TRAPPC13: variants seen among roughly 807,000 people sequenced by gnomAD.
The protein encoded by TRAPPC13 is REV7-interacting novel NHEJ regulator 1.
In TRAPPC13, 39 loss-of-function variants were observed where a neutral mutation model predicts 54.0. The ratio of observed to expected loss-of-function variants is 0.72; its 90% confidence interval spans 0.56 to 0.94. The LOEUF (loss-of-function observed/expected upper bound fraction) is 0.94, where lower values mean the gene tolerates loss of function less well. Ranked by LOEUF, TRAPPC13 falls within the 40% of genes least tolerant of loss-of-function variation. TRAPPC13 has a pLI of 0.00. For synonymous variants in TRAPPC13, 148 were observed against 167.7 expected (o/e 0.88, Z 0.91); for missense variants, 386 against 488.1 (o/e 0.79, Z 1.97).
At chr5:65,639,715 G>A (rs1755894602) in intron 4 of TRAPPC13, among the ~76,000 whole-genome samples, 1 of 152,230 alleles carries the variant, frequency 6.6e-6, no homozygotes, top group African/African-American at 2.4e-5. Flanking sequence ...GTGTTAGAAA[G>A]ACTGATATGA....
chr5:65,659,276 A>G (rs1347755903), intron 9 of TRAPPC13, among the ~76,000 whole-genome samples: 1 of 152,198 alleles, frequency 6.6e-6, no homozygotes, highest in African/African-American at 2.4e-5. Flanking sequence ...ACAAATATAT[A>G]ACATGTATCC....
At chr5:65,628,206 T>C (rs1171908646) in intron 1 of TRAPPC13, among the ~76,000 whole-genome samples, 1 of 152,106 alleles carries the variant, frequency 6.6e-6, no homozygotes, top group Non-Finnish European at 1.5e-5. Flanking sequence ...ACTTCTGTGC[T>C]CTAAGAGAAA....
chr5:65,639,792 TA>T (rs1240140315), intron 4 of TRAPPC13, among the ~76,000 whole-genome samples: 1 of 152,188 alleles, frequency 6.6e-6, no homozygotes, highest in African/African-American at 2.4e-5. Context: ...GTGTAGAAAT[TA>T]AAAGATAGAA....
chr5:65,660,786 A>G lies in TRAPPC13; in HGVS notation c.786A>G (p.Ala262=). The G allele has an allele frequency of 6.2e-7, 1 of 1,613,838 alleles. No individual in the cohort carries two copies. The highest frequency in any genetic ancestry group is 8.5e-7 in the Non-Finnish European group (1 of 1,179,782). The stretch of plus-strand genomic sequence containing the variant: ...GCCTAAAGCCAAAGAATGAATTTGC[A>G]GAAAAAGCAGGCATCATTAAGGGAG... The part of the protein sequence containing the change: ...LYCLKPKNEF[A]EKAGIIKGVT... The change falls in exon 10 of 13, where the codon GCA becomes GCG. Residue 262 remains alanine (A), a synonymous_variant. Transcript: ENST00000399438.
rs78767698 is a variant in TRAPPC13 at position 65,646,753 on chromosome 5, G to A, written c.301-302G>A. On this transcript the variant is annotated intron_variant, in intron 4 of 12. Transcript: ENST00000399438. ...TTTACCCTTCCCTCTGCTATAGCCC[G>A]ATTGTATTCTTCATTTGTAATGCAG... Among the ~76,000 whole-genome samples, 1,423 of 152,172 alleles carry A rather than the reference G, an allele frequency of 9.4e-3. 16 individuals are homozygous for A. The highest frequency in any genetic ancestry group is 0.03 in the African/African-American group (1,256 of 41,530).
At chr5:65,646,248 C>G (rs1756202449) in intron 4 of TRAPPC13, among the ~76,000 whole-genome samples, 1 of 152,094 alleles carries the variant, frequency 6.6e-6, no homozygotes, top group Non-Finnish European at 1.5e-5. Flanking sequence ...TATAATGGAG[C>G]ATCATCGGGT....
intron 3 of TRAPPC13, 123 bp from the exon 4 acceptor site, chr5:65,637,573 G>C (rs941628330): frequency 4.3e-5 from 21 of 486,290 alleles, no homozygotes; most frequent in Admixed American, 2.6e-4. Flanking sequence ...GGAGTTTGCA[G>C]TGAGCCTAGA....
intron 7 of TRAPPC13, among the ~76,000 whole-genome samples, chr5:65,653,277 A>G (rs1340082637): frequency 1.3e-5 from 2 of 152,256 alleles, no homozygotes; most frequent in East Asian, 3.9e-4. Flanking sequence ...CTTGTGTTTC[A>G]TACCAGTGAT....
intron 3 of TRAPPC13, 67 bp downstream of exon 3, chr5:65,636,110 C>A: frequency 2.9e-6 from 3 of 1,034,776 alleles, no homozygotes; most frequent in Non-Finnish European, 4.3e-6. Flanking sequence ...CAAAACAGAA[C>A]CATGGGATGG....
chr5:65,652,720 T>G, intron 7 of TRAPPC13, 175 bp downstream of exon 7: 5 of 665,560 alleles, frequency 7.5e-6, no homozygotes, highest in South Asian at 1.6e-5. Context: ...TCTCATAATC[T>G]TTTTCAGCTT....
intron 5 of TRAPPC13, among the ~76,000 whole-genome samples, chr5:65,649,926 A>G (rs1756363013): frequency 6.8e-6 from 1 of 146,754 alleles, no homozygotes; most frequent in Admixed American, 7.0e-5. Flanking sequence ...GCGCAATCTC[A>G]GCTCACTGCA....
intron 1 of TRAPPC13, among the ~76,000 whole-genome samples, chr5:65,626,602 GGC>G (rs1755244650): frequency 6.6e-6 from 1 of 152,112 alleles, no homozygotes; most frequent in Admixed American, 6.5e-5. Flanking sequence ...CAGGCGTGGT[GGC>G]GGGCGCCTGT....
chr5:65,634,437 G>C (rs532640771), intron 1 of TRAPPC13, among the ~76,000 whole-genome samples: 1 of 151,566 alleles, frequency 6.6e-6, no homozygotes, highest in Non-Finnish European at 1.5e-5. Context: ...TTTTTTCTCC[G>C]TTAATTTCCT....
At chr5:65,631,163 G>A (rs1755528377) in intron 1 of TRAPPC13, among the ~76,000 whole-genome samples, 1 of 151,882 alleles carries the variant, frequency 6.6e-6, no homozygotes, top group Admixed American at 6.6e-5. Flanking sequence ...CCCTCACACA[G>A]CTTACATGTC....
chr5:65,638,235 T>A lies in TRAPPC13; in HGVS notation c.300+455T>A, dbSNP rs1755836071. Among the ~76,000 whole-genome samples the A allele has an allele frequency of 2.0e-5, 3 of 152,372 alleles. No individual in the cohort carries two copies. The South Asian group carries it at 6.2e-4, about 32-fold the overall frequency. ...ATTGTCATTAACAAGCACTAATGAATGCCTACAGTTATAAAGTATTATGTT... is the reference window on the plus strand; with the variant it reads ...ATTGTCATTAACAAGCACTAATGAAAGCCTACAGTTATAAAGTATTATGTT... On this transcript the variant is annotated intron_variant, in intron 4 of 12. Coordinates refer to ENST00000399438, the MANE Select transcript of TRAPPC13 (RefSeq NM_024941.4).
Position 65,639,697 on chromosome 5 carries a change from C to T in TRAPPC13, c.300+1917C>T, listed in dbSNP as rs78442965. On this transcript the variant is annotated intron_variant, in intron 4 of 12. Coordinates refer to ENST00000399438, the MANE Select transcript of TRAPPC13 (RefSeq NM_024941.4). ...AAACAGCAGGCAGTTGGCTTTTGAG[C>T]ACTCTTTGTGTTAGAAAGACTGATA... Among the ~76,000 whole-genome samples the T allele has an allele frequency of 6.1e-3, 926 of 152,294 alleles. 8 individuals are homozygous for T. The highest frequency in any genetic ancestry group is 0.02 in the African/African-American group (844 of 41,560).
chr5:65,625,131 C>T (rs778249887), intron 1 of TRAPPC13, 25 bp downstream of exon 1: 20 of 1,603,424 alleles, frequency 1.2e-5, no homozygotes, highest in Admixed American at 1.7e-5. Context: ...ACCTGATTCC[C>T]CCTTTTCTGT....
At chr5:65,634,142 C>A (rs1045465271) in intron 1 of TRAPPC13, among the ~76,000 whole-genome samples, 1 of 143,580 alleles carries the variant, frequency 7.0e-6, no homozygotes, top group East Asian at 2.1e-4. Flanking sequence ...CCCGCCACCA[C>A]GCCCAGCTAA....
intron 9 of TRAPPC13, 53 bp from the exon 10 acceptor site, chr5:65,660,646 T>G: frequency 1.4e-6 from 2 of 1,440,190 alleles, no homozygotes; most frequent in Non-Finnish European, 1.9e-6. Context: ...CCATGGTTTT[T>G]CTTTTAAAAG....
Sources: allele counts gnomAD v4.1 joint callset (sites outside exome capture counted in the v4.1 genomes callset), GRCh38; gene constraint gnomAD v4.1.1; transcripts MANE v1.5; gene names NCBI Gene and HGNC (gene_info 2026-07-23, HGNC 2026-07-21).